Variants in GALNT9 observed in about 807,000 individuals in gnomAD.
GALNT9 encodes the protein polypeptide N-acetylgalactosaminyltransferase 9, also known as GalNAc transferase 9.
GALNT9 carries 47 observed loss-of-function variants against 63.1 expected under a neutral mutation model. The ratio of observed to expected loss-of-function variants is 0.75; its 90% CI spans 0.59 to 0.95. The LOEUF (loss-of-function observed/expected upper bound fraction) is 0.95. Ranked by LOEUF, GALNT9 falls within the 40% of genes least tolerant of loss-of-function variation. The probability of loss-of-function intolerance (pLI) is 0.00; values close to 1 mark genes in which losing one functional copy is unlikely to be tolerated. For synonymous variants in GALNT9, 396 were observed against 365.7 expected, an observed-to-expected ratio of 1.08 and a Z score of -0.94; for missense variants, 829 against 874.8, an observed-to-expected ratio of 0.95 and a Z score of 0.66.
chr12:132,309,344 G>A (rs572396802), intron 1 of GALNT9, among the ~76,000 whole-genome samples: 4 of 152,302 alleles, frequency 2.6e-5, no homozygotes, highest in African/African-American at 4.8e-5. Context: ...TCACGCAGCC[G>A]CCCTGGAGGT....
At position 132,257,777 on chromosome 12, in the gene GALNT9, C is replaced by T. The variant is rs750985030; in HGVS notation, c.871G>A (p.Ala291Thr). Residue 291 changes from alanine to threonine, a missense_variant, in exon 5 of 11, where the codon GCC (alanine) becomes ACC (threonine). Physicochemically the swap from Ala to Thr is moderately conservative, Grantham distance 58. Coordinates refer to ENST00000328957, the MANE Select transcript of GALNT9 (RefSeq NM_001122636.2). The part of the protein sequence containing the change: ...TFEVQQYANA[A>T]HGYNWGLWCM... ...CAGAGGCCCCAGTTGTAGCCATGGGCGGCGTTCGCATACTGCTGCACCTCA... is the reference window on the plus strand; with the variant it reads ...CAGAGGCCCCAGTTGTAGCCATGGGTGGCGTTCGCATACTGCTGCACCTCA... 40 of 1,550,344 alleles carry T rather than the reference C, an allele frequency of 2.6e-5. No homozygotes were observed. The highest frequency in any genetic ancestry group is 3.3e-5 in the Non-Finnish European group (38 of 1,146,854).
Position 132,236,552 on chromosome 12 carries a change from C to G in GALNT9, c.1077+11358G>C, listed in dbSNP as rs1878010751. 6.6e-6 allele frequency among the ~76,000 whole-genome samples: 1 copy of G among 152,162 alleles called. No individual in the cohort carries two copies. The highest frequency in any genetic ancestry group is 2.4e-5 in the African/African-American group (1 of 41,422). On this transcript the variant is annotated intron_variant, in intron 6 of 10. Transcript: ENST00000328957. This position sits in a 1 kb window ranked among gnomAD's most constrained non-coding sequence, Gnocchi z 5.6. ...CCCTTTCCCCTTCCTTCCTTCCCACCTTCTTTCCTTTCTTCTATCTTTCCT... is the reference window on the plus strand; with the variant it reads ...CCCTTTCCCCTTCCTTCCTTCCCACGTTCTTTCCTTTCTTCTATCTTTCCT...
intron 6 of GALNT9, among the ~76,000 whole-genome samples, chr12:132,235,191 A>C (rs1877956539): frequency 6.6e-6 from 1 of 151,342 alleles, no homozygotes; most frequent in Non-Finnish European, 1.5e-5. Context: ...CTAGTGCCAC[A>C]CACTCGATGG....
intron 2 of GALNT9, among the ~76,000 whole-genome samples, chr12:132,268,252 C>T (rs187095313): frequency 6.6e-5 from 10 of 152,112 alleles, no homozygotes; most frequent in Middle Eastern, 3.4e-3. Context: ...TACACTCACA[C>T]ATGGACACCC....
At chr12:132,302,945 G>T (rs76877786) in intron 1 of GALNT9, among the ~76,000 whole-genome samples, 7,436 of 149,818 alleles carry the variant, frequency 0.05, 610 homozygotes, top group African/African-American at 0.17. Flanking sequence ...TCTATGCAGA[G>T]GGACCACTCC....
In GALNT9 at chr12:132,296,405, G is replaced by A. The variant is rs144720329; in HGVS notation, c.239-9975C>T. On this transcript the variant is annotated intron_variant, in intron 1 of 10. Coordinates refer to ENST00000328957, the MANE Select transcript of GALNT9 (RefSeq NM_001122636.2). The surrounding 1 kb of genome is among the most constrained non-coding windows in gnomAD (Gnocchi z 4.2). ...ATGGCCCAGCTGTGGGCTCTTCCCCGGATCTCATGGGTGTCTTCCTGGGCT... is the reference window on the plus strand; with the variant it reads ...ATGGCCCAGCTGTGGGCTCTTCCCCAGATCTCATGGGTGTCTTCCTGGGCT... Among the ~76,000 whole-genome samples, 177 of 152,310 alleles carry A rather than the reference G, an allele frequency of 1.2e-3. 3 individuals carry two copies. Among genetic ancestry groups the A allele is most frequent in the African/African-American group, 3.9e-3 (164 of 41,574 alleles).
chr12:132,258,764 A>G (rs1879244786), intron 4 of GALNT9, among the ~76,000 whole-genome samples: 2 of 152,214 alleles, frequency 1.3e-5, no homozygotes, highest in Non-Finnish European at 2.9e-5. Context: ...CGTCCCAAGC[A>G]GGGGTCCTGG....
At chr12:132,207,348 G>A (rs1399200598) in intron 6 of GALNT9, among the ~76,000 whole-genome samples, 1 of 152,202 alleles carries the variant, frequency 6.6e-6, no homozygotes, top group Non-Finnish European at 1.5e-5. Flanking sequence ...ATAAATAGCT[G>A]CGGAACGAAT....
At chr12:132,216,198 GAGAC>G (rs1237713223) in intron 6 of GALNT9, among the ~76,000 whole-genome samples, 1 of 152,176 alleles carries the variant, frequency 6.6e-6, no homozygotes, top group African/African-American at 2.4e-5. Flanking sequence ...AGAGACATGA[GAGAC>G]AGACACGGAG....
intron 1 of GALNT9, among the ~76,000 whole-genome samples, chr12:132,307,246 C>T (rs559991951): frequency 1.3e-5 from 2 of 152,216 alleles, no homozygotes; most frequent in African/African-American, 2.4e-5. Flanking sequence ...ACAGGAAGTG[C>T]CAGTGTACAG....
At chr12:132,230,903 G>C (rs1294408010) in intron 6 of GALNT9, among the ~76,000 whole-genome samples, 1 of 152,216 alleles carries the variant, frequency 6.6e-6, no homozygotes, top group Non-Finnish European at 1.5e-5. Flanking sequence ...GGGACGTCTT[G>C]GTGAGACTCT....
intron 1 of GALNT9, among the ~76,000 whole-genome samples, chr12:132,290,062 G>A (rs1880748480): frequency 6.6e-6 from 1 of 152,194 alleles, no homozygotes. Flanking sequence ...ACCAGTGCCA[G>A]CAGCACCCAC....
rs977419275 is a variant in GALNT9, at chr12:132,286,817, A to G, written c.239-387T>C. Among the ~76,000 whole-genome samples, 2 of 152,068 alleles carry G rather than the reference A, an allele frequency of 1.3e-5. No homozygotes were observed. Among genetic ancestry groups the G allele is most frequent in the African/African-American group, 4.8e-5 (2 of 41,420 alleles). On this transcript the variant is annotated intron_variant, in intron 1 of 10. Coordinates refer to ENST00000328957, the MANE Select transcript of GALNT9 (RefSeq NM_001122636.2). The surrounding 1 kb of genome is among the most constrained non-coding windows in gnomAD (Gnocchi z 7.4). Reference sequence around the variant, plus strand: ...CAGCCTGGACCTCCCAGGCTCAAGCAATCCTCCCACCTCAGCCTCCTGAGT... The same window carrying G: ...CAGCCTGGACCTCCCAGGCTCAAGCGATCCTCCCACCTCAGCCTCCTGAGT...
intron 1 of GALNT9, among the ~76,000 whole-genome samples, chr12:132,321,976 C>T (rs1285451849): frequency 6.6e-6 from 1 of 151,550 alleles, no homozygotes; most frequent in African/African-American, 2.4e-5. Flanking sequence ...GCCCCCGCCT[C>T]GGCCCCCAAG....
intron 5 of GALNT9, among the ~76,000 whole-genome samples, chr12:132,250,986 C>T (rs1161363270): frequency 6.6e-5 from 10 of 152,284 alleles, no homozygotes; most frequent in Non-Finnish European, 7.3e-5. Context: ...CAGCAGCGCG[C>T]GCGTAAGACA....
In GALNT9 at chr12:132,319,487, C is replaced by G. The variant is rs200689916; in HGVS notation, c.238+9479G>C. Among the ~76,000 whole-genome samples the G allele has an allele frequency of 3.9e-5, 6 of 152,290 alleles. No individual in the cohort carries two copies. The East Asian group carries it at 1.2e-3, about 29-fold the overall frequency. ...CTGCACTCAGGCCAAAGGACCCCAC[C>G]CAGCTTCCCGGGCCTGCAGCTTGCA... On this transcript the variant is annotated intron_variant, in intron 1 of 10. Coordinates refer to ENST00000328957, the MANE Select transcript of GALNT9 (RefSeq NM_001122636.2). The surrounding 1 kb of genome is among the most constrained non-coding windows in gnomAD (Gnocchi z 5.2).
At chr12:132,313,240 C>T (rs373253597) in intron 1 of GALNT9, among the ~76,000 whole-genome samples, 54 of 142,756 alleles carry the variant, frequency 3.8e-4, no homozygotes, top group African/African-American at 1.4e-3. Flanking sequence ...CATCCACCAA[C>T]TCACCCATCC....
intron 1 of GALNT9, among the ~76,000 whole-genome samples, chr12:132,303,382 G>GGGGCACACCCTCACCC (rs1566018937): frequency 9.3e-6 from 1 of 107,882 alleles, no homozygotes; most frequent in African/African-American, 3.7e-5. Flanking sequence ...CACCCTCTCC[G>GGGGCACACCCTCACCC]GGGCACAGCC....
chr12:132,212,985 A>G (rs113988496), intron 6 of GALNT9, among the ~76,000 whole-genome samples: 3 of 119,234 alleles, frequency 2.5e-5, no homozygotes, highest in African/African-American at 6.4e-5. Flanking sequence ...ACCCGGGTCT[A>G]CAGCCTTGAG....
Sources: allele counts gnomAD v4.1 joint callset (sites outside exome capture counted in the v4.1 genomes callset), GRCh38; gene constraint gnomAD v4.1.1; non-coding constraint Gnocchi (gnomAD v3.1); transcripts MANE v1.5; gene names NCBI Gene and HGNC (gene_info 2026-07-23, HGNC 2026-07-21).